The following SYT16 variants were observed in gnomAD, a reference collection of about 807,000 sequenced individuals.
SYT16 encodes the protein synaptotagmin 16.
Under a neutral mutation model 61.4 loss-of-function variants are expected in SYT16, and 42 were observed. That is an observed-to-expected ratio of 0.68 (90% CI 0.53 to 0.89). The LOEUF (loss-of-function observed/expected upper bound fraction) is 0.89, where lower values mean the gene tolerates loss of function less well. SYT16 is among the 40% of genes least tolerant of loss of function. The pLI is 0.00. For synonymous variants in SYT16, 314 were observed against 302.3 expected (o/e 1.04, Z -0.40); for missense variants, 804 against 807.3 (o/e 1.00, Z 0.05).
chr14:61,865,255 G>A (rs1354415561), intron 1 of SYT16: 1 of 859,220 alleles, frequency 1.2e-6, no homozygotes. Context: ...GGCCTAAGAT[G>A]GAGGTGAGCA....
At chr14:61,812,642 G>A (rs1352718271), upstream of SYT16, 1 of 146,666 alleles carries the variant, frequency 6.8e-6, no homozygotes, top group Non-Finnish European at 1.5e-5. Context: ...GCGGGGCGGC[G>A]CGGGGCGGCG....
At chr14:61,977,171 G>GCTCCAAATTTTCTCACAT in intron 2 of SYT16, among the ~76,000 whole-genome samples, 1 of 152,148 alleles carries the variant, frequency 6.6e-6, no homozygotes, top group Admixed American at 6.5e-5. Context: ...TCTCTAGGAA[G>GCTCCAAATTTTCTCACAT]CTCCAAATTT....
chr14:61,963,692 A>G (rs1285805306), intron 1 of SYT16, among the ~76,000 whole-genome samples: 1 of 152,196 alleles, frequency 6.6e-6, no homozygotes, highest in Non-Finnish European at 1.5e-5. Context: ...CAGATCTTCA[A>G]TGTAGACCAA....
intron 3 of SYT16, among the ~76,000 whole-genome samples, chr14:62,018,679 C>T (rs1462101379): frequency 1.3e-5 from 2 of 152,174 alleles, no homozygotes; most frequent in African/African-American, 4.8e-5. Flanking sequence ...AACACCCAAA[C>T]TCCACATCTC....
rs2052771871 is a variant in SYT16, at chr14:61,996,398, GC to G, written c.381del (p.Ser128ValfsTer39). 1 of 1,613,534 alleles carries G rather than the reference GC, an allele frequency of 6.2e-7. No individual in the cohort carries two copies. The highest frequency in any genetic ancestry group is 2.2e-5 in the East Asian group (1 of 44,848). On this transcript the variant is annotated frameshift_variant, in exon 3 of 8. Transcript: ENST00000683842. LOFTEE classifies it high-confidence loss of function. ...CACAATGTCCCAGTGGCCCAATTGG[GC>G]CAGTGATGACCGCAAGTTACCACAT... ...CSTMSQWPNW[A>X]SDDRKLPHVL...
chr14:62,084,311 C>A lies in SYT16; in HGVS notation c.1550C>A (p.Ala517Asp). ...PELLVGLSYN[A>D]TTGRLSVEMI... is the part of the protein sequence containing the mutation. ...CTGTTGGTGGGGCTCTCGTACAATG[C>A]CACAACGGGGCGATTATCTGTGGAA... The change falls in exon 7 of 8, where the codon GCC (alanine) becomes GAC (aspartate). Residue 517 changes from alanine (A) to aspartate (D), a missense_variant. Ala to Asp is a moderately radical substitution (Grantham distance 126). Coordinates refer to ENST00000683842, the MANE Select transcript of SYT16 (RefSeq NM_001367656.1). 1.2e-6 allele frequency: 2 copies of A among 1,613,342 alleles called. No homozygotes were observed. The highest frequency in any genetic ancestry group is 1.7e-5 in the Admixed American group (1 of 59,866).
intron 4 of SYT16, among the ~76,000 whole-genome samples, chr14:62,071,615 T>G (rs1243246517): frequency 1.3e-5 from 2 of 152,216 alleles, no homozygotes; most frequent in Non-Finnish European, 2.9e-5. Flanking sequence ...TTTTTATTGC[T>G]TGATTTTTTT....
chr14:61,840,566 T>A (rs1044740982), intron 1 of SYT16, among the ~76,000 whole-genome samples: 5 of 152,228 alleles, frequency 3.3e-5, no homozygotes, highest in African/African-American at 9.6e-5. Flanking sequence ...ATTTCTCTTT[T>A]CTTTTCTTTC....
chr14:61,979,406 G>T (rs1455033939), intron 2 of SYT16, among the ~76,000 whole-genome samples: 1 of 152,072 alleles, frequency 6.6e-6, no homozygotes, highest in Non-Finnish European at 1.5e-5. Flanking sequence ...GGGGCATTTT[G>T]TTGCCTTCTT....
chr14:61,819,118 CTA>C (rs2045536385), intron 1 of SYT16, among the ~76,000 whole-genome samples: 1 of 152,152 alleles, frequency 6.6e-6, no homozygotes, highest in Non-Finnish European at 1.5e-5. Context: ...CTAAATGAAT[CTA>C]AAATTTGGTC....
At position 61,825,145 on chromosome 14, in the gene SYT16, G is replaced by C. The variant is rs114540307; in HGVS notation, c.-325+12335G>C. 4.5e-3 allele frequency among the ~76,000 whole-genome samples: 685 copies of C among 152,234 alleles called. 3 individuals are homozygous for C. The highest frequency in any genetic ancestry group is 0.016 in the African/African-American group (644 of 41,534). ...TCTTGAAAAATGAAGTGTGATCCTT[G>C]GTGGTTCTTTCACATTTGAGATTGG... On this transcript the variant is annotated intron_variant, in intron 1 of 7. Coordinates refer to ENST00000683842, the MANE Select transcript of SYT16 (RefSeq NM_001367656.1).
At chr14:62,018,933 G>C (rs1387943127) in intron 3 of SYT16, among the ~76,000 whole-genome samples, 1 of 152,224 alleles carries the variant, frequency 6.6e-6, no homozygotes, top group Non-Finnish European at 1.5e-5. Flanking sequence ...CCCTGCATCT[G>C]CGCTTGCCTC....
chr14:62,081,867 C>T (rs1005754059), intron 6 of SYT16, among the ~76,000 whole-genome samples: 5 of 152,134 alleles, frequency 3.3e-5, no homozygotes, highest in African/African-American at 9.7e-5. Flanking sequence ...TACAAAACCA[C>T]GTTAACAGAT....
At chr14:62,088,465 A>G (rs758963390) in intron 7 of SYT16, among the ~76,000 whole-genome samples, 1 of 152,186 alleles carries the variant, frequency 6.6e-6, no homozygotes, top group Non-Finnish European at 1.5e-5. Flanking sequence ...GGACATGAGG[A>G]AATGTTCTGG....
At chr14:61,891,309 G>A (rs543907378) in intron 1 of SYT16, among the ~76,000 whole-genome samples, 2 of 151,218 alleles carry the variant, frequency 1.3e-5, no homozygotes, top group Non-Finnish European at 2.9e-5. Context: ...TGGCAAGCAC[G>A]TCTTCACCTG....
chr14:61,914,574 C>T (rs547752441), intron 1 of SYT16, among the ~76,000 whole-genome samples: 2 of 152,150 alleles, frequency 1.3e-5, no homozygotes, highest in Admixed American at 6.6e-5. Flanking sequence ...CAGTGTTCCC[C>T]AGCTGTGTAA....
chr14:61,865,175 G>A, intron 1 of SYT16: 1 of 1,194,956 alleles, frequency 8.4e-7, no homozygotes, highest in East Asian at 2.3e-5. Context: ...GGGCCCAGAG[G>A]ATCGTGTTTC....
chr14:61,855,143 C>A (rs1409504656), intron 1 of SYT16, among the ~76,000 whole-genome samples: 1 of 152,168 alleles, frequency 6.6e-6, no homozygotes, highest in Non-Finnish European at 1.5e-5. Flanking sequence ...AAGACAGAGT[C>A]CTTCAAGTCA....
At chr14:62,099,330 A>G (rs1192582564) in intron 7 of SYT16, among the ~76,000 whole-genome samples, 6 of 152,126 alleles carry the variant, frequency 3.9e-5, no homozygotes, top group Non-Finnish European at 8.8e-5. Flanking sequence ...CTGGGGATGG[A>G]AAGAAGTGGG....
Sources: allele counts gnomAD v4.1 joint callset (sites outside exome capture counted in the v4.1 genomes callset), GRCh38; gene constraint gnomAD v4.1.1; transcripts MANE v1.5; gene names NCBI Gene and HGNC (gene_info 2026-07-23, HGNC 2026-07-21).